The following TMCO4 variants were observed in gnomAD, a reference collection of about 807,000 sequenced individuals.
TMCO4 encodes the protein transmembrane and coiled-coil domains 4, also known as transmembrane and coiled-coil domain-containing protein 4.
Under a neutral mutation model 64.7 loss-of-function variants are expected in TMCO4, and 58 were observed. The observed-to-expected ratio is 0.90, with a 90% CI of 0.73 to 1.12. The LOEUF (loss-of-function observed/expected upper bound fraction) is 1.12. Ranked by LOEUF, TMCO4 falls within the 50% of genes most tolerant of loss-of-function variation. The pLI is 0.00. For synonymous variants in TMCO4, 325 were observed against 346.1 expected, an observed-to-expected ratio of 0.94 and a Z score of 0.68; for missense variants, 780 against 825.9, an observed-to-expected ratio of 0.94 and a Z score of 0.68.
chr1:19,735,783 T>C (rs894389752), intron 13 of TMCO4, among the ~76,000 whole-genome samples: 4 of 152,180 alleles, frequency 2.6e-5, no homozygotes, highest in African/African-American at 9.7e-5. Flanking sequence ...GAATGAAGAA[T>C]TGGTTCTATT....
intron 2 of TMCO4, among the ~76,000 whole-genome samples, chr1:19,789,956 G>T (rs1057024447): frequency 2.0e-5 from 3 of 151,608 alleles, no homozygotes; most frequent in Non-Finnish European, 1.5e-5. Flanking sequence ...GGGAGGGTGA[G>T]GTGGGAGAAT....
chr1:19,692,711 C>A (rs1177234973), intron 15 of TMCO4, among the ~76,000 whole-genome samples: 1 of 151,816 alleles, frequency 6.6e-6, no homozygotes, highest in Non-Finnish European at 1.5e-5. Context: ...CGCGCCATTG[C>A]ACTCCAGACT....
At position 19,777,119 on chromosome 1, in the gene TMCO4, G is replaced by A. The variant is rs2281240; in HGVS notation, c.179+3461C>T. 8.8e-4 allele frequency among the ~76,000 whole-genome samples: 133 copies of A among 151,710 alleles called. 2 individuals carry two copies. In the East Asian group the frequency reaches 0.023, roughly 27 times the overall value. On this transcript the variant is annotated intron_variant, in intron 4 of 15. Coordinates refer to ENST00000294543, the MANE Select transcript of TMCO4 (RefSeq NM_181719.7). ...GTACCTGTACCTGCAGGTTGGGCAC[G>A]TGACAGGATCTAGCCAATGACACCA...
chr1:19,753,336 C>T (rs1361010844), intron 7 of TMCO4, among the ~76,000 whole-genome samples: 1 of 152,216 alleles, frequency 6.6e-6, no homozygotes, highest in East Asian at 1.9e-4. Context: ...GCACGGGTCC[C>T]AGCTTTTGAT....
At chr1:19,715,480 T>C (rs11589338) in intron 13 of TMCO4, among the ~76,000 whole-genome samples, 12,620 of 152,304 alleles carry the variant, frequency 0.083, 590 homozygotes, top group Non-Finnish European at 0.096. Flanking sequence ...TAGAATCACC[T>C]GTCACAGCGA....
chr1:19,723,919 T>C (rs2095397403), intron 13 of TMCO4, among the ~76,000 whole-genome samples: 1 of 152,204 alleles, frequency 6.6e-6, no homozygotes, highest in Non-Finnish European at 1.5e-5. Flanking sequence ...CCCAAATTCC[T>C]GCCTTCTTTA....
intron 13 of TMCO4, among the ~76,000 whole-genome samples, chr1:19,704,654 G>C (rs1161660417): frequency 6.6e-6 from 1 of 152,242 alleles, no homozygotes; most frequent in Non-Finnish European, 1.5e-5. Context: ...GGCAGAGTCT[G>C]CCCTGCTAAG....
intron 15 of TMCO4, among the ~76,000 whole-genome samples, chr1:19,689,342 CG>C (rs1310986033): frequency 4.6e-5 from 7 of 152,192 alleles, no homozygotes; most frequent in African/African-American, 1.7e-4. Flanking sequence ...GAAGCTGCCA[CG>C]AAGACAGCCT....
chr1:19,752,047 CA>C (rs779717204), intron 7 of TMCO4, among the ~76,000 whole-genome samples: 178 of 139,284 alleles, frequency 1.3e-3, no homozygotes, highest in African/African-American at 1.4e-3. Flanking sequence ...GACTTTGTCT[CA>C]AAAAAAAAAA....
intron 6 of TMCO4, among the ~76,000 whole-genome samples, chr1:19,758,329 G>GA (rs547786329): frequency 1.3e-3 from 203 of 152,194 alleles, no homozygotes; most frequent in African/African-American, 4.5e-3. Flanking sequence ...AACTTCCATG[G>GA]AAAAAAGGAG....
chr1:19,774,749 T>C (rs967117137), intron 4 of TMCO4, among the ~76,000 whole-genome samples: 5 of 152,204 alleles, frequency 3.3e-5, no homozygotes, highest in Non-Finnish European at 7.3e-5. Flanking sequence ...GAGAGCTTCG[T>C]ACACCTTGAG....
chr1:19,753,469 G>A (rs1468732251), intron 7 of TMCO4, among the ~76,000 whole-genome samples: 4 of 152,150 alleles, frequency 2.6e-5, no homozygotes, highest in Admixed American at 2.6e-4. Context: ...AGGGAAGCCG[G>A]GTGGCCTTAG....
chr1:19,682,599 G>A lies in TMCO4; in HGVS notation c.*441C>T, dbSNP rs767449054. On this transcript the variant is annotated 3_prime_UTR_variant, in exon 16 of 16. Transcript: ENST00000294543. ...GTCAGCTGGTGGGCAGCCCTGGAGT[G>A]TGGATGGAAGAACAGGCATGCACCT... 1.4e-6 allele frequency: 1 copy of A among 717,478 alleles called. No homozygotes were observed. The highest frequency in any genetic ancestry group is 1.5e-5 in the South Asian group (1 of 67,602). 44.4% of individuals were successfully genotyped at this position (717,478 alleles called of 1,614,324 possible).
intron 2 of TMCO4, among the ~76,000 whole-genome samples, chr1:19,790,057 GAA>G (rs545785612): frequency 0.061 from 5,184 of 85,318 alleles, 309 homozygotes; most frequent in African/African-American, 0.18. Context: ...CTCTGCCTCA[GAA>G]AAAAAAAAAA....
At chr1:19,794,035 C>T (rs1422669445) in intron 2 of TMCO4, among the ~76,000 whole-genome samples, 1 of 152,010 alleles carries the variant, frequency 6.6e-6, no homozygotes, top group East Asian at 1.9e-4. Flanking sequence ...GCCTGAATTG[C>T]CTCTCTGCCC....
At chr1:19,690,464 C>T (rs140425949) in intron 15 of TMCO4, among the ~76,000 whole-genome samples, 40 of 152,376 alleles carry the variant, frequency 2.6e-4, no homozygotes, top group African/African-American at 8.4e-4. Context: ...CGAGGCAACA[C>T]GCCTGGTCTG....
intron 13 of TMCO4, among the ~76,000 whole-genome samples, chr1:19,719,953 C>T (rs1031057926): frequency 3.3e-5 from 5 of 151,726 alleles, no homozygotes; most frequent in African/African-American, 1.2e-4. Context: ...GATCACACCA[C>T]TGCACTCCAG....
chr1:19,777,402 C>T (rs1186167066), intron 4 of TMCO4, among the ~76,000 whole-genome samples: 1 of 149,678 alleles, frequency 6.7e-6, no homozygotes, highest in East Asian at 2.0e-4. Context: ...GGCAGGAGTG[C>T]AGTGGCACGA....
At chr1:19,771,956 C>T (rs2043004934) in intron 4 of TMCO4, among the ~76,000 whole-genome samples, 1 of 152,162 alleles carries the variant, frequency 6.6e-6, no homozygotes, top group East Asian at 1.9e-4. Flanking sequence ...CCGTGCCCAG[C>T]CTGGGTGATG....
Sources: allele counts gnomAD v4.1 joint callset (sites outside exome capture counted in the v4.1 genomes callset), GRCh38; gene constraint gnomAD v4.1.1; transcripts MANE v1.5; gene names NCBI Gene and HGNC (gene_info 2026-07-23, HGNC 2026-07-21).